The following ITSN1 variants were observed in gnomAD, a reference collection of about 807,000 sequenced individuals.
ITSN1 encodes intersectin 1.
ITSN1 carries 58 observed loss-of-function variants against 239.8 expected under a neutral mutation model. The observed-to-expected ratio is 0.24, with a 90% CI of 0.20 to 0.30. The LOEUF (loss-of-function observed/expected upper bound fraction) is 0.30. Ranked by LOEUF, ITSN1 falls within the 10% of genes least tolerant of loss-of-function variation. ITSN1 has a pLI of 1.00. For missense variants in ITSN1, 1,558 were observed against 2,103.3 expected, an observed-to-expected ratio of 0.74 and a Z score of 5.07; for synonymous variants, 780 against 770.8, an observed-to-expected ratio of 1.01 and a Z score of -0.20.
intron 8 of ITSN1, among the ~76,000 whole-genome samples, chr21:33,759,119 C>G (rs955479830): frequency 1.3e-5 from 2 of 152,170 alleles, no homozygotes; most frequent in African/African-American, 4.8e-5. Flanking sequence ...GCTCATAGGT[C>G]ATATGTTCTC....
At chr21:33,657,531 A>G (rs530398543) in intron 1 of ITSN1, among the ~76,000 whole-genome samples, 2 of 151,980 alleles carry the variant, frequency 1.3e-5, no homozygotes, top group African/African-American at 4.8e-5. Context: ...TTTTCACTGT[A>G]TTTATCTGTC....
intron 29 of ITSN1, among the ~76,000 whole-genome samples, chr21:33,846,287 G>A (rs572467206): frequency 2.6e-5 from 4 of 151,934 alleles, no homozygotes; most frequent in Admixed American, 1.3e-4. Context: ...TCCCGATTTC[G>A]CTGCCACCTC....
At chr21:33,645,059 G>T (rs943408156) in intron 1 of ITSN1, among the ~76,000 whole-genome samples, 3 of 152,022 alleles carry the variant, frequency 2.0e-5, no homozygotes, top group Admixed American at 2.0e-4. Flanking sequence ...TACCTTAAAC[G>T]ATTCTCCCAC....
intron 34 of ITSN1, among the ~76,000 whole-genome samples, chr21:33,881,818 A>G (rs753326638): frequency 7.2e-5 from 11 of 152,030 alleles, no homozygotes; most frequent in Non-Finnish European, 1.3e-4. Context: ...CCATCTCTAC[A>G]AAAGTTTTTT....
At chr21:33,714,203 A>G (rs2092503121) in intron 1 of ITSN1, among the ~76,000 whole-genome samples, 1 of 152,246 alleles carries the variant, frequency 6.6e-6, no homozygotes, top group African/African-American at 2.4e-5. Context: ...TCATTCATAC[A>G]TAAACATAAT....
chr21:33,803,968 A>G (rs2072211171), intron 20 of ITSN1, among the ~76,000 whole-genome samples: 1 of 152,260 alleles, frequency 6.6e-6, no homozygotes, highest in Non-Finnish European at 1.5e-5. Context: ...TGTGAGGATA[A>G]CAGTCAATGC....
chr21:33,835,529 G>A (rs2834274), intron 28 of ITSN1, among the ~76,000 whole-genome samples: 19,324 of 152,194 alleles, frequency 0.13, 1,722 homozygotes, highest in African/African-American at 0.24. Flanking sequence ...TTTACCTCCT[G>A]TAAGCTTGAG....
At chr21:33,800,950 C>T (rs562406985) in intron 19 of ITSN1, among the ~76,000 whole-genome samples, 2 of 150,622 alleles carry the variant, frequency 1.3e-5, no homozygotes, top group East Asian at 3.9e-4. Context: ...CCTGCAACCT[C>T]TGCCTCCCGG....
intron 29 of ITSN1, chr21:33,837,528 C>T (rs1223222248): frequency 6.1e-6 from 6 of 985,648 alleles, no homozygotes; most frequent in African/African-American, 1.7e-5. Context: ...GGGGCTTTTC[C>T]CCCTTACCAT....
Position 33,858,638 on chromosome 21 carries a change from G to A in ITSN1, c.3784-48G>A, listed in dbSNP as rs148502370. On this transcript the variant is annotated intron_variant, in intron 30 of 39. Transcript: ENST00000381318. ...AGCGGATCGGCGTGTGAGTGTGTGA[G>A]TTTTAAGCTAACTGCTTTCTGAACT... is the stretch of plus-strand genomic sequence containing the variant. 1.1e-3 allele frequency: 1,365 copies of A among 1,255,530 alleles called. 7 individuals carry two copies. In the African/African-American group the frequency reaches 0.013, roughly 12 times the overall value. 77.8% of individuals were successfully genotyped at this position (1,255,530 alleles called of 1,614,324 possible). A position where few individuals can be genotyped will look rare whatever the true frequency, so the allele number is the denominator to read the frequency against.
intron 27 of ITSN1, among the ~76,000 whole-genome samples, chr21:33,832,108 G>A (rs1309502940): frequency 6.6e-6 from 1 of 152,158 alleles, no homozygotes; most frequent in Non-Finnish European, 1.5e-5. Context: ...TCTTACCGCT[G>A]AGCAATGGCG....
intron 1 of ITSN1, among the ~76,000 whole-genome samples, chr21:33,716,015 A>AT (rs1331769038): frequency 2.0e-5 from 3 of 152,230 alleles, no homozygotes; most frequent in African/African-American, 7.2e-5. Flanking sequence ...GATTTTAACA[A>AT]TTTTTCAAAA....
intron 1 of ITSN1, among the ~76,000 whole-genome samples, chr21:33,679,031 C>T (rs935734505): frequency 2.6e-5 from 4 of 152,162 alleles, no homozygotes; most frequent in African/African-American, 9.7e-5. Context: ...TTCACAGTTC[C>T]TGTCCAAGAG....
intron 34 of ITSN1, among the ~76,000 whole-genome samples, chr21:33,878,008 T>TTGTGTGTG (rs71194867): frequency 0.054 from 7,591 of 140,022 alleles, 279 homozygotes; most frequent in East Asian, 0.16. Context: ...CTCTCTCTCT[T>TTGTGTGTG]TGTGTGTGTG....
At chr21:33,757,137 A>G (rs188617282) in intron 8 of ITSN1, 7 of 152,312 alleles carry the variant, frequency 4.6e-5, no homozygotes, top group Non-Finnish European at 1.0e-4. Context: ...AGTGCTCCAT[A>G]CAAACCCAGA....
chr21:33,662,526 T>G (rs2089638457), intron 1 of ITSN1, among the ~76,000 whole-genome samples: 1 of 152,160 alleles, frequency 6.6e-6, no homozygotes, highest in South Asian at 2.1e-4. Flanking sequence ...AGAAATGGTA[T>G]TATAGTTAGG....
intron 10 of ITSN1, among the ~76,000 whole-genome samples, chr21:33,766,624 A>C (rs2068739215): frequency 6.6e-6 from 1 of 152,224 alleles, no homozygotes; most frequent in African/African-American, 2.4e-5. Flanking sequence ...AAGAAAGATT[A>C]AGATTTCTGA....
intron 27 of ITSN1, among the ~76,000 whole-genome samples, chr21:33,830,678 A>T (rs2074244237): frequency 6.6e-6 from 1 of 152,246 alleles, no homozygotes; most frequent in Admixed American, 6.5e-5. Flanking sequence ...CACGCTGTCA[A>T]GGACATTTTT....
chr21:33,660,220 A>G (rs577532107), intron 1 of ITSN1, among the ~76,000 whole-genome samples: 55 of 152,230 alleles, frequency 3.6e-4, no homozygotes, highest in South Asian at 8.3e-4. Flanking sequence ...CATGTTGCCA[A>G]AATAATCTTT....
Sources: allele counts gnomAD v4.1 joint callset (sites outside exome capture counted in the v4.1 genomes callset), GRCh38; gene constraint gnomAD v4.1.1; transcripts MANE v1.5; gene names NCBI Gene and HGNC (gene_info 2026-07-23, HGNC 2026-07-21).